Variants in ADSL observed in about 807,000 individuals in gnomAD.
ADSL encodes the protein adenylosuccinate lyase.
In ADSL, 44 loss-of-function variants were observed where a neutral mutation model predicts 62.1. The observed-to-expected ratio is 0.71, with a 90% CI of 0.56 to 0.91. The LOEUF is 0.91. ADSL is among the 40% of genes least tolerant of loss of function. ADSL has a pLI of 0.00. For synonymous variants in ADSL, 198 were observed against 220.5 expected, an observed-to-expected ratio of 0.90 and a Z score of 0.90; for missense variants, 531 against 627.4, an observed-to-expected ratio of 0.85 and a Z score of 1.64.
intron 2 of ADSL, among the ~76,000 whole-genome samples, chr22:40,379,948 T>A (rs1160847605): frequency 6.6e-6 from 1 of 152,178 alleles, no homozygotes; most frequent in Non-Finnish European, 1.5e-5. Flanking sequence ...TGGGCTCAAG[T>A]GATCCACCCT....
chr22:40,379,169 A>G (rs1569139850), intron 2 of ADSL, among the ~76,000 whole-genome samples: 3 of 152,230 alleles, frequency 2.0e-5, no homozygotes, highest in Admixed American at 2.0e-4. Context: ...TGGGACTTTC[A>G]AAGAAGGGAT....
chr22:40,369,093 G>A lies in ADSL; in HGVS notation c.*2571G>A, dbSNP rs1376431513. 2.0e-5 allele frequency: 3 copies of A among 152,288 alleles called. No homozygotes were observed. The East Asian group carries it at 5.8e-4, about 29-fold the overall frequency. 9.4% of individuals were successfully genotyped at this position (152,288 alleles called of 1,614,324 possible). Reference sequence around the variant, plus strand: ...ATGTGAGAATTTATATTACATAACAGATACTGGGGATATAGGATACCATGG... The same window carrying A: ...ATGTGAGAATTTATATTACATAACAAATACTGGGGATATAGGATACCATGG... On this transcript the variant is annotated 3_prime_UTR_variant, in exon 13 of 13. Transcript: ENST00000623063.
intron 6 of ADSL, among the ~76,000 whole-genome samples, 170 bp downstream of exon 6, chr22:40,359,476 C>CTTTT (rs56719087): frequency 2.1e-4 from 9 of 43,852 alleles, no homozygotes; most frequent in African/African-American, 3.8e-4. Context: ...TATCTGGATT[C>CTTTT]TTTTTTTTTT....
At chr22:40,375,070 G>A (rs1201248671) in intron 2 of ADSL, among the ~76,000 whole-genome samples, 4 of 152,156 alleles carry the variant, frequency 2.6e-5, no homozygotes, top group African/African-American at 9.7e-5. Flanking sequence ...CATGAGGAGA[G>A]ATACATTCAC....
chr22:40,366,504 A>G lies in ADSL; in HGVS notation c.1437A>G (p.Lys479=), dbSNP rs1327930440. ...LKPYESVMKV[K]AELCL Reference sequence around the variant, plus strand: ...CATATGAAAGCGTGATGAAGGTGAAAGCAGAATTATGTCTGTAGAGTTGGA... The same window carrying G: ...CATATGAAAGCGTGATGAAGGTGAAGGCAGAATTATGTCTGTAGAGTTGGA... Residue 479 remains lysine, a synonymous_variant, in exon 13 of 13, where the codon AAA becomes AAG. Coordinates refer to ENST00000623063, the MANE Select transcript of ADSL (RefSeq NM_000026.4). 6.2e-7 allele frequency: 1 copy of G among 1,611,536 alleles called. No homozygotes were observed. The highest frequency in any genetic ancestry group is 8.5e-7 in the Non-Finnish European group (1 of 1,177,774).
chr22:40,355,335 G>T (rs1469180502), intron 4 of ADSL, among the ~76,000 whole-genome samples: 2 of 152,042 alleles, frequency 1.3e-5, no homozygotes, highest in African/African-American at 2.4e-5. Context: ...GAGAGATAGG[G>T]TTTCGCCATG....
At position 40,350,654 on chromosome 22, in the gene ADSL, T is replaced by G. The variant is rs530648376; in HGVS notation, c.357+619T>G. Among the ~76,000 whole-genome samples, 13 of 152,228 alleles carry G rather than the reference T, an allele frequency of 8.5e-5. No homozygotes were observed. The South Asian group carries it at 2.7e-3, about 32-fold the overall frequency. ...TTTTCTTTGAGATGGAGTCTTGCTC[T>G]GTCACCCAGGCGGGAGTGCAGTGGC... On this transcript the variant is annotated intron_variant, in intron 2 of 12. Transcript: ENST00000623063.
chr22:40,376,425 A>G (rs571327143), intron 2 of ADSL: 6 of 152,082 alleles, frequency 3.9e-5, no homozygotes, highest in Admixed American at 1.3e-4. Flanking sequence ...AGTTGCTGTG[A>G]TTACAGGTGC....
intron 2 of ADSL, 134 bp from the exon 3 acceptor site, chr22:40,352,939 C>T (rs922291045): frequency 8.4e-6 from 6 of 710,302 alleles, no homozygotes; most frequent in East Asian, 2.7e-5. Flanking sequence ...TATTTTCTGG[C>T]GTGCTTAGTG....
In ADSL at chr22:40,364,390, A is replaced by G. The variant is rs369635138; in HGVS notation, c.1191+25A>G. On this transcript the variant is annotated intron_variant, in intron 11 of 12. Transcript: ENST00000623063. ...GGTTTGTAACCCCTCATGTTCCTGG[A>G]TAAGTTGAGAGTGCACGTTTGGTCC... is the stretch of plus-strand genomic sequence containing the variant. 8.6e-4 allele frequency: 1,381 copies of G among 1,604,838 alleles called. 1 individual carries two copies. Among genetic ancestry groups the G allele is most frequent in the Non-Finnish European group, 1.1e-3 (1,275 of 1,172,544 alleles).
Position 40,359,288 on chromosome 22 carries a change from A to C in ADSL, c.683A>C (p.Glu228Ala). The change falls in exon 6 of 13, where the codon GAA (glutamate) becomes GCA (alanine). Residue 228 changes from glutamate (E) to alanine (A), a missense_variant. Physicochemically the swap from Glu to Ala is moderately radical, Grantham distance 107 (BLOSUM62 -1). This residue lies in a region of ADSL where 471 missense variants were observed against 592.9 expected (regional missense o/e 0.79). Coordinates refer to ENST00000623063, the MANE Select transcript of ADSL (RefSeq NM_000026.4). The part of the protein sequence containing the change: ...KVEQLDKMVT[E>A]KAGFKRAFII... ...GAGCAGCTTGACAAGATGGTGACAG[A>C]AAAGGCAGGATTTAAGAGGTAGGTA... 1 of 1,614,138 alleles carries C rather than the reference A, an allele frequency of 6.2e-7. No individual in the cohort carries two copies. Among genetic ancestry groups the C allele is most frequent in the Non-Finnish European group, 8.5e-7 (1 of 1,180,016 alleles).
At chr22:40,358,637 C>T (rs149159103) in intron 4 of ADSL, among the ~76,000 whole-genome samples, 1 of 152,288 alleles carries the variant, frequency 6.6e-6, no homozygotes, top group Non-Finnish European at 1.5e-5. Context: ...CTATGCTAAT[C>T]GCCTTTTAGT....
intron 1 of ADSL, 138 bp downstream of exon 1, chr22:40,346,849 G>C: frequency 3.3e-6 from 3 of 911,266 alleles, no homozygotes; most frequent in Non-Finnish European, 4.8e-6. Flanking sequence ...CCTGTCCTGA[G>C]GAGCTGCGGC....
chr22:40,349,801 A>G (rs1173621692), intron 1 of ADSL, 31 bp from the exon 2 acceptor site: 2 of 1,586,214 alleles, frequency 1.3e-6, no homozygotes, highest in South Asian at 2.2e-5. Flanking sequence ...TGACACTGAG[A>G]CTATTTTATT....
intron 2 of ADSL, chr22:40,376,154 G>A (rs913837441): frequency 8.3e-5 from 12 of 145,038 alleles, no homozygotes; most frequent in Non-Finnish European, 1.8e-4. Context: ...GTGACTTGAG[G>A]ATAGGGTTAA....
intron 9 of ADSL, 161 bp downstream of exon 9, chr22:40,361,796 G>T (rs1397873792): frequency 4.3e-6 from 4 of 934,962 alleles, no homozygotes; most frequent in Non-Finnish European, 5.0e-6. Flanking sequence ...AGTGTGATAA[G>T]TGTTACAATT....
Position 40,387,365 on chromosome 22 carries a change from G to T in ADSL, c.90-2865G>T, listed in dbSNP as rs185966243. On this transcript the variant is annotated intron_variant, in intron 2 of 2. Transcript: ENST00000498234. ...CATATCTGCAAATGAAACATTTCCG[G>T]TAATTATATAGATGGTAATGGCAAA... is the stretch of plus-strand genomic sequence containing the variant. The T allele has an allele frequency of 2.0e-5, 8 of 390,930 alleles. No individual in the cohort carries two copies. In the East Asian group the frequency reaches 2.5e-4, roughly 12 times the overall value. 24.2% of individuals were successfully genotyped at this position (390,930 alleles called of 1,614,324 possible).
At chr22:40,374,598 T>C (rs897957791) in intron 2 of ADSL, among the ~76,000 whole-genome samples, 1 of 152,150 alleles carries the variant, frequency 6.6e-6, no homozygotes, top group Non-Finnish European at 1.5e-5. Context: ...ATCTGTTGAA[T>C]GGGGCCCAGT....
chr22:40,373,262 T>C (rs534523199), downstream of ADSL: 12 of 152,350 alleles, frequency 7.9e-5, no homozygotes, highest in African/African-American at 2.6e-4. Context: ...TTCAAGTCTT[T>C]CTCATTCTTA....
Sources: gnomAD v4.1 joint callset for allele counts (sites outside exome capture counted in the v4.1 genomes callset) on GRCh38, gnomAD v4.1.1 for gene constraint, gnomAD v4.1.1 regional missense constraint, MANE v1.5 for transcripts, NCBI Gene and HGNC (gene_info 2026-07-23, HGNC 2026-07-21) for gene names.